Variants in NRXN1 observed in about 807,000 individuals in gnomAD.
NRXN1 encodes neurexin 1, also known as neurexin-1.
A neutral mutation model predicts 150.9 loss-of-function variants in NRXN1; 39 were observed. That is an observed-to-expected ratio of 0.26 (90% CI 0.20 to 0.34). The LOEUF (loss-of-function observed/expected upper bound fraction) is 0.34, where lower values mean the gene tolerates loss of function less well. Ranked by LOEUF, NRXN1 falls within the 10% of genes least tolerant of loss-of-function variation. The pLI is 1.00. For missense variants in NRXN1, 1,815 were observed against 1,949.9 expected (o/e 0.93, Z 1.30); for synonymous variants, 924 against 757.0 (o/e 1.22, Z -3.62).
chr2:50,733,322 TA>T (rs1057309036), intron 5 of NRXN1, among the ~76,000 whole-genome samples: 3 of 152,272 alleles, frequency 2.0e-5, no homozygotes, highest in South Asian at 2.1e-4. Context: ...AATTGGGAAA[TA>T]TTTTTTTTAT....
At position 49,961,311 on chromosome 2, in the gene NRXN1, C is replaced by T. The variant is rs542495195; in HGVS notation, c.4129-17520G>A. 4.7e-3 allele frequency among the ~76,000 whole-genome samples: 696 copies of T among 147,650 alleles called. 1 individual carries two copies. Among genetic ancestry groups the T allele is most frequent in the Middle Eastern group, 0.01 (3 of 292 alleles). Reference sequence around the variant, plus strand: ...TTTGACCCATCTTCCAAAATGCCTGCGCACGCATGCACACACACACACACA... The same window carrying T: ...TTTGACCCATCTTCCAAAATGCCTGTGCACGCATGCACACACACACACACA... On this transcript the variant is annotated intron_variant, in intron 21 of 22. Transcript: ENST00000401669.
chr2:50,163,895 T>C (rs555598494), intron 18 of NRXN1, among the ~76,000 whole-genome samples: 5 of 152,298 alleles, frequency 3.3e-5, no homozygotes, highest in East Asian at 1.9e-4. Context: ...CTTTATCTTA[T>C]TGCAACTACC....
chr2:50,998,464 G>C (rs938552390), intron 2 of NRXN1, among the ~76,000 whole-genome samples: 3 of 151,880 alleles, frequency 2.0e-5, no homozygotes, highest in African/African-American at 7.3e-5. Flanking sequence ...TTGTATATTC[G>C]CAAATCATAT....
intron 19 of NRXN1, among the ~76,000 whole-genome samples, chr2:50,076,205 AG>A (rs1349302982): frequency 6.6e-6 from 1 of 152,216 alleles, no homozygotes. Flanking sequence ...TGCCAGGGTC[AG>A]GAGGAACAAT....
At chr2:50,166,914 G>A (rs528032196) in intron 18 of NRXN1, among the ~76,000 whole-genome samples, 1 of 152,260 alleles carries the variant, frequency 6.6e-6, no homozygotes, top group Admixed American at 6.5e-5. Context: ...GGGTAGAGTG[G>A]TAGAGTTTAG....
rs918970615 is a variant in NRXN1 at position 50,506,538 on chromosome 2, T to C, written c.2454A>G (p.Gly818=). 1.2e-6 allele frequency: 2 copies of C among 1,613,000 alleles called. No individual in the cohort carries two copies. ...EWHTVRVVRR[G]KSLKLTVDDQ... is the part of the protein sequence containing the mutation. The stretch of plus-strand genomic sequence containing the variant: ...CATCCACTGTTAACTTTAAACTTTT[T>C]CCACGCCGAACTACACGCACTGTGT... Residue 818 remains glycine, a synonymous_variant, in exon 13 of 23, where the codon GGA becomes GGG. Coordinates refer to ENST00000401669, the MANE Select transcript of NRXN1 (RefSeq NM_001330078.2).
chr2:50,970,291 G>T (rs1694801950), intron 2 of NRXN1, among the ~76,000 whole-genome samples: 2 of 152,036 alleles, frequency 1.3e-5, no homozygotes, highest in African/African-American at 4.8e-5. Flanking sequence ...AGAAAAGAGG[G>T]CAGGAGGTCA....
chr2:50,294,637 G>A (rs960707100), intron 17 of NRXN1, among the ~76,000 whole-genome samples: 5 of 152,130 alleles, frequency 3.3e-5, no homozygotes, highest in African/African-American at 1.2e-4. Context: ...AGGAGGTAGA[G>A]TTTAGGAAAG....
chr2:50,139,120 AT>A (rs536575938), intron 18 of NRXN1, among the ~76,000 whole-genome samples: 21 of 152,126 alleles, frequency 1.4e-4, no homozygotes, highest in Non-Finnish European at 2.9e-4. Flanking sequence ...GAGGTCAGGC[AT>A]TTGAGACTAG....
intron 21 of NRXN1, among the ~76,000 whole-genome samples, chr2:50,007,165 A>G (rs7573338): frequency 0.47 from 71,734 of 151,162 alleles, 17,536 homozygotes; most frequent in Middle Eastern, 0.62. Context: ...TAACAAAGCG[A>G]GACCTTGTCT....
intron 5 of NRXN1, among the ~76,000 whole-genome samples, chr2:50,655,393 C>T (rs1043552275): frequency 6.6e-6 from 1 of 151,984 alleles, no homozygotes; most frequent in Non-Finnish European, 1.5e-5. Flanking sequence ...TTTGTTCTAG[C>T]TTACAGCCTA....
intron 8 of NRXN1, among the ~76,000 whole-genome samples, chr2:50,600,651 T>G (rs1001035166): frequency 1.1e-4 from 17 of 152,104 alleles, no homozygotes; most frequent in African/African-American, 3.9e-4. Flanking sequence ...GGGCAAGGAA[T>G]AGTAATAAAT....
chr2:50,496,818 T>G (rs887398833), intron 14 of NRXN1, among the ~76,000 whole-genome samples: 3 of 152,226 alleles, frequency 2.0e-5, no homozygotes, highest in African/African-American at 7.2e-5. Flanking sequence ...GAATAAATGC[T>G]GAAATCAATT....
At chr2:50,960,720 C>T (rs1252408462) in intron 2 of NRXN1, among the ~76,000 whole-genome samples, 1 of 151,848 alleles carries the variant, frequency 6.6e-6, no homozygotes, top group East Asian at 1.9e-4. Context: ...TTACACTCTG[C>T]CTCTGGGCCT....
rs200259338 is a variant in NRXN1 at position 50,623,389 on chromosome 2, T to G, written c.1059A>C (p.Ala353=). 13 of 1,613,298 alleles carry G rather than the reference T, an allele frequency of 8.1e-6. No individual in the cohort carries two copies. The highest frequency in any genetic ancestry group is 1.1e-5 in the Non-Finnish European group (13 of 1,179,550). Residue 353 remains alanine, a synonymous_variant, in exon 6 of 23, where the codon GCA becomes GCC. Coordinates refer to ENST00000401669, the MANE Select transcript of NRXN1 (RefSeq NM_001330078.2). ...ACTTTCCATTCACAGGCTCCACTAG[T>G]GCTTCAAAGGCCCCTGATCCCAAAT... ...VINLGSGAFE[A]LVEPVNGKFN... is the part of the protein sequence containing the mutation.
chr2:50,270,543 A>G (rs1273746545), intron 17 of NRXN1, among the ~76,000 whole-genome samples: 1 of 152,180 alleles, frequency 6.6e-6, no homozygotes, highest in East Asian at 1.9e-4. Flanking sequence ...TCAGCTCAAT[A>G]TATTTCAGAA....
chr2:50,785,617 G>A (rs1705007707), intron 5 of NRXN1, among the ~76,000 whole-genome samples: 1 of 152,102 alleles, frequency 6.6e-6, no homozygotes, highest in South Asian at 2.1e-4. Flanking sequence ...GACTAATACA[G>A]AGGGTTTTGT....
At chr2:50,076,880 A>G (rs1352362354) in intron 19 of NRXN1, among the ~76,000 whole-genome samples, 3 of 152,236 alleles carry the variant, frequency 2.0e-5, no homozygotes, top group Middle Eastern at 3.2e-3. Context: ...CAGTGGTATC[A>G]CAACCTTAGC....
At chr2:50,371,498 A>G (rs1480108420) in intron 17 of NRXN1, among the ~76,000 whole-genome samples, 1 of 152,080 alleles carries the variant, frequency 6.6e-6, no homozygotes, top group Non-Finnish European at 1.5e-5. Context: ...AGATTGTCTA[A>G]TCACTACACC....
Sources: allele counts gnomAD v4.1 joint callset (sites outside exome capture counted in the v4.1 genomes callset), GRCh38; gene constraint gnomAD v4.1.1; transcripts MANE v1.5; gene names NCBI Gene and HGNC (gene_info 2026-07-23, HGNC 2026-07-21).